Variants in NAA11 observed in about 807,000 individuals in gnomAD.
The protein encoded by NAA11 is N-alpha-acetyltransferase 11.
A neutral mutation model predicts 16.1 loss-of-function variants in NAA11; 15 were observed. That is an observed-to-expected ratio of 0.93 (90% CI 0.62 to 1.44). The LOEUF (loss-of-function observed/expected upper bound fraction) is 1.44, where lower values mean the gene tolerates loss of function less well. NAA11 is among the 40% of genes most tolerant of loss of function. NAA11 has a pLI of 0.00. For synonymous variants in NAA11, 122 were observed against 112.4 expected (o/e 1.09, Z -0.54); for missense variants, 298 against 291.3 (o/e 1.02, Z -0.17).
intron 2 of NAA11, among the ~76,000 whole-genome samples, chr4:79,228,810 C>A (rs1208226999): frequency 6.6e-6 from 1 of 151,918 alleles, no homozygotes. Flanking sequence ...GTTTTTATTT[C>A]TCTTAGGTAA....
the NAA11 span, among the ~76,000 whole-genome samples, chr4:79,178,199 A>G: frequency 6.6e-6 from 1 of 152,194 alleles, no homozygotes; most frequent in Non-Finnish European, 1.5e-5. Flanking sequence ...AGTTTTGTCC[A>G]TATTTAATGG....
At chr4:79,277,898 A>G (rs1722698082) in intron 2 of NAA11, among the ~76,000 whole-genome samples, 2 of 151,980 alleles carry the variant, frequency 1.3e-5, no homozygotes, top group South Asian at 4.2e-4. Flanking sequence ...GCACCCTTCT[A>G]CATAGAAGTA....
intron 1 of NAA11, among the ~76,000 whole-genome samples, chr4:79,324,556 G>C (rs1383289554): frequency 6.6e-6 from 1 of 152,174 alleles, no homozygotes; most frequent in Non-Finnish European, 1.5e-5. Context: ...TCATGGTATA[G>C]TTTAACAAGT....
At chr4:79,195,050 A>G in the NAA11 span, among the ~76,000 whole-genome samples, 1 of 152,100 alleles carries the variant, frequency 6.6e-6, no homozygotes, top group South Asian at 2.1e-4. Flanking sequence ...TGTCCTATCT[A>G]ATCTAAATAC....
the NAA11 span, among the ~76,000 whole-genome samples, chr4:79,167,187 T>TTATA: frequency 1.3e-5 from 1 of 79,192 alleles, no homozygotes; most frequent in Non-Finnish European, 2.6e-5. Flanking sequence ...ACAACTTATT[T>TTATA]TATATATATA....
chr4:79,282,688 A>G (rs1722821624), intron 2 of NAA11, among the ~76,000 whole-genome samples: 1 of 152,244 alleles, frequency 6.6e-6, no homozygotes, highest in Non-Finnish European at 1.5e-5. Context: ...AGGCATGTTA[A>G]TGAGTTGCAT....
the NAA11 span, among the ~76,000 whole-genome samples, chr4:79,215,154 T>A: frequency 6.6e-6 from 1 of 152,248 alleles, no homozygotes; most frequent in Non-Finnish European, 1.5e-5. Context: ...TACCTGCTCT[T>A]TTCTAAATAT....
At chr4:79,165,912 T>G in the NAA11 span, among the ~76,000 whole-genome samples, 1 of 152,212 alleles carries the variant, frequency 6.6e-6, no homozygotes, top group Non-Finnish European at 1.5e-5. Flanking sequence ...AAGTGGTAAC[T>G]TGGTTTTGCC....
At chr4:79,172,368 A>G in the NAA11 span, among the ~76,000 whole-genome samples, 3 of 152,128 alleles carry the variant, frequency 2.0e-5, no homozygotes, top group Non-Finnish European at 2.9e-5. Flanking sequence ...CCCCAATTGT[A>G]TTGTGAAACT....
intron 2 of NAA11, among the ~76,000 whole-genome samples, chr4:79,252,499 T>C (rs1722018325): frequency 6.6e-6 from 1 of 151,486 alleles, no homozygotes; most frequent in Non-Finnish European, 1.5e-5. Flanking sequence ...AAAATAAATA[T>C]AAAAATGTAA....
intron 2 of NAA11, among the ~76,000 whole-genome samples, chr4:79,229,866 G>A (rs898342781): frequency 6.6e-6 from 1 of 151,912 alleles, no homozygotes; most frequent in African/African-American, 2.4e-5. Context: ...CCTCCCACTT[G>A]CTCTTAACCA....
intron 1 of NAA11, among the ~76,000 whole-genome samples, chr4:79,320,031 A>T (rs771929427): frequency 6.6e-6 from 1 of 152,224 alleles, no homozygotes; most frequent in Non-Finnish European, 1.5e-5. Flanking sequence ...AGCTCAATTG[A>T]AAACACTAAG....
chr4:79,233,043 T>C (rs1721500519), intron 2 of NAA11, among the ~76,000 whole-genome samples: 1 of 151,988 alleles, frequency 6.6e-6, no homozygotes. Context: ...AATAAGTACC[T>C]AGTACAATGT....
chr4:79,228,395 C>A (rs1410957503), intron 2 of NAA11, among the ~76,000 whole-genome samples: 1 of 151,862 alleles, frequency 6.6e-6, no homozygotes, highest in Admixed American at 6.6e-5. Flanking sequence ...GTGCACAGTT[C>A]TATTTGTTTT....
At chr4:79,274,026 C>G (rs1345172796) in intron 2 of NAA11, among the ~76,000 whole-genome samples, 2 of 151,944 alleles carry the variant, frequency 1.3e-5, no homozygotes, top group Non-Finnish European at 2.9e-5. Context: ...AACAGAGATG[C>G]AGAAGGGAAT....
chr4:79,242,948 C>T (rs1308477876), intron 2 of NAA11, among the ~76,000 whole-genome samples: 1 of 152,196 alleles, frequency 6.6e-6, no homozygotes, highest in Non-Finnish European at 1.5e-5. Context: ...AAGAATTAGG[C>T]TTTGGATAGT....
chr4:79,218,729 A>G, the NAA11 span, among the ~76,000 whole-genome samples: 3 of 152,062 alleles, frequency 2.0e-5, no homozygotes, highest in African/African-American at 7.2e-5. Flanking sequence ...TACCTTTACA[A>G]TTGAGGTGTA....
chr4:79,287,863 T>C (rs919722171), intron 2 of NAA11, among the ~76,000 whole-genome samples: 1 of 152,208 alleles, frequency 6.6e-6, no homozygotes, highest in African/African-American at 2.4e-5. Context: ...GATTATAATT[T>C]GGTAAATTGT....
the NAA11 span, among the ~76,000 whole-genome samples, chr4:79,162,720 G>C: frequency 6.6e-6 from 1 of 152,100 alleles, no homozygotes; most frequent in Non-Finnish European, 1.5e-5. Flanking sequence ...CATGGCATGG[G>C]AATGAAATAC....
Sources: gnomAD v4.1 joint callset for allele counts (sites outside exome capture counted in the v4.1 genomes callset) on GRCh38, gnomAD v4.1.1 for gene constraint, MANE v1.5 for transcripts, NCBI Gene and HGNC (gene_info 2026-07-23, HGNC 2026-07-21) for gene names.